UGT1A10: variants seen among roughly 807,000 people sequenced by gnomAD.
UGT1A10 encodes UDP-glucuronosyltransferase 1A10.
UGT1A10 carries 49 observed loss-of-function variants against 45.8 expected under a neutral mutation model. The ratio of observed to expected loss-of-function variants is 1.07; its 90% CI spans 0.85 to 1.36. The LOEUF (loss-of-function observed/expected upper bound fraction) is 1.36. Ranked by LOEUF, UGT1A10 falls within the 40% of genes most tolerant of loss-of-function variation. The pLI is 0.00. For missense variants in UGT1A10, 745 were observed against 668.6 expected, an observed-to-expected ratio of 1.11 and a Z score of -1.26; for synonymous variants, 284 against 249.7, an observed-to-expected ratio of 1.14 and a Z score of -1.29.
intron 1 of UGT1A10, chr2:233,719,505 G>A: frequency 6.2e-7 from 1 of 1,613,876 alleles, no homozygotes; most frequent in Non-Finnish European, 8.5e-7. Context: ...TACTTTTTCT[G>A]CCCCTTATGC....
At chr2:233,641,794 GT>G (rs1337858470) in intron 1 of UGT1A10, among the ~76,000 whole-genome samples, 1 of 151,348 alleles carries the variant, frequency 6.6e-6, no homozygotes, top group Non-Finnish European at 1.5e-5. Context: ...GGGGTAAAAG[GT>G]TTTTTTTTCT....
chr2:233,766,902 T>C, intron 1 of UGT1A10, 132 bp from the exon 2 acceptor site: 1 of 1,493,390 alleles, frequency 6.7e-7, no homozygotes, highest in Non-Finnish European at 8.9e-7. Flanking sequence ...ATTAATAATT[T>C]TTTACTCTAT....
chr2:233,662,834 T>G (rs2074002574), intron 1 of UGT1A10, among the ~76,000 whole-genome samples: 1 of 141,088 alleles, frequency 7.1e-6, no homozygotes, highest in South Asian at 2.3e-4. Flanking sequence ...TTTTTTTTTG[T>G]CAGATATGAA....
chr2:233,713,180 G>A (rs771375365), intron 1 of UGT1A10: 21 of 1,614,082 alleles, frequency 1.3e-5, no homozygotes, highest in South Asian at 8.8e-5. Context: ...TCCTCACCCT[G>A]GAGGTGAATA....
At chr2:233,652,386 C>T (rs2073762631) in intron 1 of UGT1A10, among the ~76,000 whole-genome samples, 1 of 152,068 alleles carries the variant, frequency 6.6e-6, no homozygotes, top group Admixed American at 6.6e-5. Context: ...ATTCATGTAT[C>T]TGCTCTTTTG....
chr2:233,642,311 T>C (rs1316212664), intron 1 of UGT1A10, among the ~76,000 whole-genome samples: 1 of 152,242 alleles, frequency 6.6e-6, no homozygotes, highest in Non-Finnish European at 1.5e-5. Context: ...TTTGATGCAT[T>C]CTTCATTATG....
intron 1 of UGT1A10, among the ~76,000 whole-genome samples, chr2:233,676,834 C>A (rs1464866741): frequency 6.6e-6 from 1 of 152,140 alleles, no homozygotes. Flanking sequence ...AAAAACAGAA[C>A]CTTTTCTCCA....
At chr2:233,766,273 TGGCCCGGGCTC>T (rs1203864514) in intron 1 of UGT1A10, among the ~76,000 whole-genome samples, 29 of 151,808 alleles carry the variant, frequency 1.9e-4, no homozygotes, top group Admixed American at 3.9e-4. Context: ...CCGGGCTCGG[TGGCCCGGGCTC>T]GGTGGCCTGG....
intron 1 of UGT1A10, chr2:233,752,532 T>G (rs1694995506): frequency 6.6e-6 from 1 of 152,250 alleles, no homozygotes; most frequent in African/African-American, 2.4e-5. Context: ...AAAAATTCTT[T>G]AAATAAAATG....
intron 1 of UGT1A10, chr2:233,729,739 A>G (rs1185017331): frequency 1.9e-6 from 3 of 1,613,856 alleles, no homozygotes; most frequent in East Asian, 4.5e-5. Context: ...TTCAGACCAC[A>G]TGACATTCAT....
intron 1 of UGT1A10, among the ~76,000 whole-genome samples, chr2:233,699,464 C>G (rs1471527294): frequency 6.6e-6 from 1 of 152,156 alleles, no homozygotes; most frequent in Non-Finnish European, 1.5e-5. Flanking sequence ...CAAAGGAGGT[C>G]AGAAGTAAAT....
chr2:233,768,017 T>G, intron 3 of UGT1A10, 81 bp downstream of exon 3: 1 of 1,613,870 alleles, frequency 6.2e-7, no homozygotes, highest in Admixed American at 1.7e-5. Flanking sequence ...TCTAAAGGAT[T>G]GTTGAGCTTG....
chr2:233,672,736 A>G (rs376424202), intron 1 of UGT1A10: 147 of 1,613,820 alleles, frequency 9.1e-5, no homozygotes, highest in Middle Eastern at 1.6e-4. Flanking sequence ...CGTGATGCCC[A>G]ACATGATCTT....
Position 233,767,860 on chromosome 2 carries a change from G to C in UGT1A10, c.999G>C (p.Arg333=). ...LGKIPQTVLW[R]YTGTRPSNLA... is the part of the protein sequence containing the mutation. ...TTTGCCCCTCCCAGGTCCTGTGGCGGTACACTGGAACCCGACCATCGAATC... is the reference window on the plus strand; with the variant it reads ...TTTGCCCCTCCCAGGTCCTGTGGCGCTACACTGGAACCCGACCATCGAATC... Residue 333 remains arginine (R), a synonymous_variant, in exon 3 of 5, where the codon CGG becomes CGC. Coordinates refer to ENST00000344644, the MANE Select transcript of UGT1A10 (RefSeq NM_019075.4). The C allele has an allele frequency of 1.2e-6, 2 of 1,614,120 alleles. No individual in the cohort carries two copies. The highest frequency in any genetic ancestry group is 1.7e-6 in the Non-Finnish European group (2 of 1,180,048).
chr2:233,713,156 CCACCAGGTGGTGGT>C, intron 1 of UGT1A10: 2 of 1,614,194 alleles, frequency 1.2e-6, no homozygotes, highest in Non-Finnish European at 1.7e-6. Flanking sequence ...ATGCGAGAGG[CCACCAGGTGGTGGT>C]CCTCACCCTG....
chr2:233,644,342 TG>T, intron 1 of UGT1A10, among the ~76,000 whole-genome samples: 1 of 152,170 alleles, frequency 6.6e-6, no homozygotes, highest in Non-Finnish European at 1.5e-5. Flanking sequence ...CTGAGGTGGG[TG>T]GATCACTTGA....
At chr2:233,645,619 C>T (rs977830290) in intron 1 of UGT1A10, among the ~76,000 whole-genome samples, 6 of 152,204 alleles carry the variant, frequency 3.9e-5, no homozygotes, top group East Asian at 3.9e-4. Flanking sequence ...GTCAGAAATC[C>T]GGCAGGGCAG....
chr2:233,677,079 A>G (rs1311557264), intron 1 of UGT1A10, among the ~76,000 whole-genome samples: 1 of 152,200 alleles, frequency 6.6e-6, no homozygotes, highest in Non-Finnish European at 1.5e-5. Flanking sequence ...TAATGTGTGC[A>G]AAAATCCTGC....
chr2:233,693,016 C>T (rs769422699), intron 1 of UGT1A10: 76 of 1,613,998 alleles, frequency 4.7e-5, no homozygotes, highest in Non-Finnish European at 5.9e-5. Flanking sequence ...TGGCCTGCCT[C>T]CTTCGCTCAT....
Sources: gnomAD v4.1 joint callset for allele counts (sites outside exome capture counted in the v4.1 genomes callset) on GRCh38, gnomAD v4.1.1 for gene constraint, MANE v1.5 for transcripts, NCBI Gene and HGNC (gene_info 2026-07-23, HGNC 2026-07-21) for gene names.